Variants in ACSS1 observed in about 807,000 individuals in gnomAD.
The protein encoded by ACSS1 is acetyl-coenzyme A synthetase 2-like, mitochondrial.
In ACSS1, 42 loss-of-function variants were observed where a neutral mutation model predicts 75.3. That is an observed-to-expected ratio of 0.56 (90% CI 0.44 to 0.72). The LOEUF (loss-of-function observed/expected upper bound fraction) is 0.72. ACSS1 is among the 30% of genes least tolerant of loss of function. The pLI is 0.00. For missense variants in ACSS1, 782 were observed against 935.7 expected (o/e 0.84, Z 2.14); for synonymous variants, 380 against 376.8 (o/e 1.01, Z -0.10).
rs1600315474 is a variant in ACSS1 at position 25,019,923 on chromosome 20, T to G, written c.1246+87A>C. On this transcript the variant is annotated intron_variant, in intron 7 of 13. Transcript: ENST00000323482. ...TTCACACATACAAAGCCGGGCAGCT[T>G]CATGACTGAAGTCCTGCTGAAGCCC... is the stretch of plus-strand genomic sequence containing the variant. 56 of 1,575,326 alleles carry G rather than the reference T, an allele frequency of 3.6e-5. No individual in the cohort carries two copies. The East Asian group carries it at 1.2e-3, about 35-fold the overall frequency.
chr20:25,039,610 C>T (rs1469437185), intron 2 of ACSS1, among the ~76,000 whole-genome samples: 2 of 152,180 alleles, frequency 1.3e-5, no homozygotes, highest in Non-Finnish European at 2.9e-5. Flanking sequence ...TTTGGCTCCT[C>T]ATTCAGGGCC....
intron 1 of ACSS1, among the ~76,000 whole-genome samples, chr20:25,051,080 C>T (rs1349662621): frequency 6.6e-6 from 1 of 152,244 alleles, no homozygotes; most frequent in Non-Finnish European, 1.5e-5. Context: ...ATCTGGTGAG[C>T]TCCCCTGCCC....
rs2122751437 is a variant in ACSS1 at position 25,048,074 on chromosome 20, G to A, written c.431+11C>T. The A allele has an allele frequency of 1.2e-6, 2 of 1,612,782 alleles. No individual in the cohort carries two copies. Among genetic ancestry groups the A allele is most frequent in the East Asian group, 2.2e-5 (1 of 44,830 alleles). The stretch of plus-strand genomic sequence containing the variant: ...CCTCCCTCGCACCTTGAACATTCGA[G>A]GGCACAGTACCTGTAGGTGATCCTC... On this transcript the variant is annotated intron_variant, in intron 2 of 13. Transcript: ENST00000323482.
chr20:25,055,497 G>A (rs2089229226), intron 1 of ACSS1, among the ~76,000 whole-genome samples: 1 of 152,206 alleles, frequency 6.6e-6, no homozygotes, highest in Admixed American at 6.5e-5. Context: ...TTCTGTTTTA[G>A]AAGTGCCTTC....
intron 13 of ACSS1, 42 bp downstream of exon 13, chr20:25,009,228 A>G: frequency 6.8e-7 from 1 of 1,463,590 alleles, no homozygotes; most frequent in Non-Finnish European, 9.6e-7. Flanking sequence ...AATTGTGGGA[A>G]GAACAGCAGC....
chr20:25,018,887 T>C (rs2088567038), intron 7 of ACSS1, among the ~76,000 whole-genome samples: 1 of 152,202 alleles, frequency 6.6e-6, no homozygotes, highest in Non-Finnish European at 1.5e-5. Flanking sequence ...CTGAACATTA[T>C]ACTAAGGCTC....
intron 2 of ACSS1, chr20:25,031,160 G>A: frequency 1.5e-6 from 1 of 676,562 alleles, no homozygotes. Flanking sequence ...GCTATTGGCA[G>A]AGATTCACTG....
At chr20:25,035,051 C>T (rs1373962898) in intron 2 of ACSS1, among the ~76,000 whole-genome samples, 2 of 152,108 alleles carry the variant, frequency 1.3e-5, no homozygotes, top group Admixed American at 6.5e-5. Context: ...CCCGCCACCA[C>T]GCCTGGCTAA....
chr20:25,032,667 A>AT (rs2088847194), intron 2 of ACSS1: 1 of 1,212,444 alleles, frequency 8.2e-7, no homozygotes. Flanking sequence ...GCGTGTTTGC[A>AT]TAGCTCTCCT....
At chr20:25,019,577 G>T (rs1159476379) in intron 7 of ACSS1, among the ~76,000 whole-genome samples, 1 of 152,148 alleles carries the variant, frequency 6.6e-6, no homozygotes, top group Non-Finnish European at 1.5e-5. Flanking sequence ...GGAGCGCAGT[G>T]GTGCAATCCT....
chr20:25,041,202 G>A (rs189416893), intron 2 of ACSS1, among the ~76,000 whole-genome samples: 15 of 150,622 alleles, frequency 1.0e-4, no homozygotes, highest in African/African-American at 3.7e-4. Flanking sequence ...AGCTTTCAGT[G>A]AGCCGAGATT....
chr20:25,053,690 G>A (rs2089206681), intron 1 of ACSS1, among the ~76,000 whole-genome samples: 1 of 152,094 alleles, frequency 6.6e-6, no homozygotes, highest in Admixed American at 6.5e-5. Flanking sequence ...GCCACAGAGA[G>A]GAAACTACAG....
At chr20:25,021,339 C>G (rs554478778) in intron 6 of ACSS1, 50 bp downstream of exon 6, 20 of 1,596,260 alleles carry the variant, frequency 1.3e-5, no homozygotes, top group African/African-American at 2.7e-5. Flanking sequence ...GCCTCAGGCT[C>G]TCTCCCCTGA....
At chr20:25,048,391 C>A (rs1381745004) in intron 1 of ACSS1, among the ~76,000 whole-genome samples, 5 of 152,084 alleles carry the variant, frequency 3.3e-5, no homozygotes, top group South Asian at 4.2e-4. Context: ...TGATGTCCTG[C>A]AAATATTTTG....
rs181406755 is a variant in ACSS1 at position 25,006,694 on chromosome 20, G to A, written c.*1068C>T. ...AGGGAGGTAAGCACCCACTGGCGTC[G>A]TGATTTCCATTATCTTGCTAATGTT... On this transcript the variant is annotated 3_prime_UTR_variant, in exon 14 of 14. Transcript: ENST00000323482. 45 of 1,065,280 alleles carry A rather than the reference G, an allele frequency of 4.2e-5. No homozygotes were observed. The highest frequency in any genetic ancestry group is 6.3e-4 in the Middle Eastern group (2 of 3,168). The allele number at this position is 1,065,280 out of a possible 1,614,324, so 66.0% of individuals were successfully genotyped here.
At chr20:25,018,442 C>A (rs963879466) in intron 7 of ACSS1, among the ~76,000 whole-genome samples, 3 of 152,194 alleles carry the variant, frequency 2.0e-5, no homozygotes, top group Non-Finnish European at 4.4e-5. Flanking sequence ...ACCCCATACT[C>A]TTTCTGAGAG....
chr20:25,019,626 C>T (rs561554257), intron 7 of ACSS1, among the ~76,000 whole-genome samples: 1 of 152,326 alleles, frequency 6.6e-6, no homozygotes, highest in African/African-American at 2.4e-5. Context: ...TCAAGCAATC[C>T]TCCCACCTCA....
At chr20:25,045,384 C>T (rs910856392) in intron 2 of ACSS1, among the ~76,000 whole-genome samples, 8 of 152,186 alleles carry the variant, frequency 5.3e-5, no homozygotes, top group African/African-American at 1.7e-4. Flanking sequence ...CGTCCCAGGG[C>T]TGCATCTGCC....
intron 1 of ACSS1, among the ~76,000 whole-genome samples, chr20:25,054,546 T>C (rs529422073): frequency 6.1e-4 from 93 of 152,308 alleles, no homozygotes; most frequent in African/African-American, 1.9e-3. Flanking sequence ...CCTGATAACA[T>C]CTGTGCTGGT....
Sources: allele counts gnomAD v4.1 joint callset (sites outside exome capture counted in the v4.1 genomes callset), GRCh38; gene constraint gnomAD v4.1.1; transcripts MANE v1.5; gene names NCBI Gene and HGNC (gene_info 2026-07-23, HGNC 2026-07-21).